TANC2: variants seen among roughly 807,000 people sequenced by gnomAD.
TANC2 encodes the protein tetratricopeptide repeat, ankyrin repeat and coiled-coil containing 2, also known as protein TANC2.
TANC2 carries 26 observed loss-of-function variants against 210.5 expected under a neutral mutation model. That is an observed-to-expected ratio of 0.12 (90% CI 0.09 to 0.17). TANC2 has a LOEUF of 0.17. TANC2 is among the 10% of genes least tolerant of loss of function. TANC2 has a pLI of 1.00. For synonymous variants in TANC2, 931 were observed against 967.1 expected, an observed-to-expected ratio of 0.96 and a Z score of 0.69; for missense variants, 2,129 against 2,608.9, an observed-to-expected ratio of 0.82 and a Z score of 4.01.
At chr17:62,983,065 C>A (rs890439536) in intron 1 of TANC2, among the ~76,000 whole-genome samples, 1 of 152,100 alleles carries the variant, frequency 6.6e-6, no homozygotes, top group Non-Finnish European at 1.5e-5. Context: ...ATCATTTTAA[C>A]ACTCTTCTTC....
chr17:63,274,692 C>T (rs180903661), intron 9 of TANC2, among the ~76,000 whole-genome samples: 323 of 152,106 alleles, frequency 2.1e-3, no homozygotes, highest in Admixed American at 3.9e-3. Context: ...GTGGCGTGGG[C>T]CCATAGTCCC....
intron 1 of TANC2, among the ~76,000 whole-genome samples, chr17:62,992,119 C>A (rs557482113): frequency 6.6e-6 from 1 of 152,124 alleles, no homozygotes; most frequent in African/African-American, 2.4e-5. Flanking sequence ...AGGTTATGTG[C>A]AAACACTGTA....
chr17:63,090,522 A>G (rs2037145905), intron 3 of TANC2, among the ~76,000 whole-genome samples: 1 of 152,100 alleles, frequency 6.6e-6, no homozygotes, highest in Non-Finnish European at 1.5e-5. Context: ...CCATGTCCCT[A>G]CAAAGGACAC....
At chr17:63,142,527 T>C (rs2039324762) in intron 4 of TANC2, among the ~76,000 whole-genome samples, 1 of 152,184 alleles carries the variant, frequency 6.6e-6, no homozygotes, top group South Asian at 2.1e-4. Flanking sequence ...CTATTTTGTT[T>C]ATCTTTTCAA....
At chr17:63,037,049 A>T (rs952004445) in intron 2 of TANC2, among the ~76,000 whole-genome samples, 2 of 152,168 alleles carry the variant, frequency 1.3e-5, no homozygotes, top group African/African-American at 4.8e-5. Flanking sequence ...CAACAATAAC[A>T]ATAGTAAAAT....
At chr17:63,315,967 G>A (rs1303725955) in intron 10 of TANC2, among the ~76,000 whole-genome samples, 1 of 152,206 alleles carries the variant, frequency 6.6e-6, no homozygotes, top group African/African-American at 2.4e-5. Context: ...CTCTTCTGAG[G>A]TAGATTGCCA....
chr17:63,282,179 G>A (rs1021396626), intron 9 of TANC2, among the ~76,000 whole-genome samples: 41 of 151,752 alleles, frequency 2.7e-4, no homozygotes, highest in African/African-American at 7.7e-4. Flanking sequence ...GCCAGAATTC[G>A]TTATTTGAAA....
intron 1 of TANC2, among the ~76,000 whole-genome samples, chr17:62,996,438 G>A (rs113134858): frequency 1.9e-3 from 295 of 152,106 alleles, no homozygotes; most frequent in African/African-American, 6.9e-3. Flanking sequence ...CCTGTAACCA[G>A]TGCAGCTGTT....
intron 7 of TANC2, among the ~76,000 whole-genome samples, chr17:63,229,043 C>A (rs1020602106): frequency 6.6e-6 from 1 of 152,146 alleles, no homozygotes; most frequent in South Asian, 2.1e-4. Flanking sequence ...CTTCCCCATT[C>A]ATTATGATAT....
At chr17:63,373,857 C>T (rs1302405577) in intron 14 of TANC2, among the ~76,000 whole-genome samples, 1 of 151,862 alleles carries the variant, frequency 6.6e-6, no homozygotes, top group African/African-American at 2.4e-5. Flanking sequence ...GGTGCACGCC[C>T]ATAATCCCAG....
chr17:63,243,004 G>C (rs565377182), intron 8 of TANC2, among the ~76,000 whole-genome samples: 75 of 152,134 alleles, frequency 4.9e-4, no homozygotes, highest in Non-Finnish European at 1.0e-3. Context: ...TGGGAATTAG[G>C]GCTCAGGAAA....
intron 4 of TANC2, among the ~76,000 whole-genome samples, chr17:63,131,389 A>G (rs555772840): frequency 1.3e-5 from 2 of 152,336 alleles, no homozygotes; most frequent in South Asian, 4.1e-4. Flanking sequence ...TGGGCAAAGA[A>G]AGAGGTTGGG....
chr17:63,267,613 T>A (rs2043568762), intron 8 of TANC2, 135 bp from the exon 9 acceptor site: 2 of 727,468 alleles, frequency 2.7e-6, no homozygotes, highest in East Asian at 6.1e-5. Flanking sequence ...TACATGTATT[T>A]TATATATATT....
intron 1 of TANC2, among the ~76,000 whole-genome samples, chr17:63,006,027 A>G (rs1001604518): frequency 2.6e-5 from 4 of 151,726 alleles, no homozygotes; most frequent in Admixed American, 2.0e-4. Context: ...TTGACAAGTT[A>G]TATTTTTCAA....
At chr17:63,309,513 G>A (rs954737923) in intron 9 of TANC2, among the ~76,000 whole-genome samples, 1 of 152,046 alleles carries the variant, frequency 6.6e-6, no homozygotes, top group Non-Finnish European at 1.5e-5. Context: ...TTTAAAATAT[G>A]ACATTAAAAC....
rs895010378 is a variant in TANC2 at position 63,420,215 on chromosome 17, C to T, written c.4485C>T (p.Phe1495=). ...ACATATACTCTGTACAGGATATATT[C>T]GAGGAGGAGTACCTGGAACAGGATG... Residue 1495 remains phenylalanine (F), a synonymous_variant, in exon 28 of 28, where the codon TTC becomes TTT. Transcript: ENST00000689528. The surrounding 1 kb of genome is among the most constrained non-coding windows in gnomAD (Gnocchi z 4.2). The T allele has an allele frequency of 1.9e-5, 31 of 1,608,860 alleles. No individual in the cohort carries two copies. The highest frequency in any genetic ancestry group is 2.6e-5 in the Non-Finnish European group (31 of 1,177,498).
At chr17:63,022,625 G>A (rs544959700) in intron 2 of TANC2, among the ~76,000 whole-genome samples, 1 of 152,304 alleles carries the variant, frequency 6.6e-6, no homozygotes, top group East Asian at 1.9e-4. Flanking sequence ...AAGGAGCCAG[G>A]TGCTAGTCAT....
chr17:63,098,645 A>G (rs1015133411), intron 3 of TANC2, among the ~76,000 whole-genome samples: 2 of 151,686 alleles, frequency 1.3e-5, no homozygotes. Flanking sequence ...GTGGAAGTCA[A>G]CAGCATATAA....
At chr17:63,049,471 A>G (rs1057270006) in intron 2 of TANC2, among the ~76,000 whole-genome samples, 3 of 152,184 alleles carry the variant, frequency 2.0e-5, no homozygotes, top group Admixed American at 2.0e-4. Context: ...CCATGCGGAC[A>G]TCTGGGAGAG....
Sources: allele counts gnomAD v4.1 joint callset (sites outside exome capture counted in the v4.1 genomes callset), GRCh38; gene constraint gnomAD v4.1.1; non-coding constraint Gnocchi (gnomAD v3.1); transcripts MANE v1.5; gene names NCBI Gene and HGNC (gene_info 2026-07-23, HGNC 2026-07-21).